Variants in ESR1 observed in about 807,000 individuals in gnomAD.
The protein encoded by ESR1 is estrogen receptor.
In ESR1, 12 loss-of-function variants were observed where a neutral mutation model predicts 52.7. That is an observed-to-expected ratio of 0.23 (90% CI 0.15 to 0.37). The LOEUF is 0.37. ESR1 is among the 10% of genes least tolerant of loss of function. The pLI is 1.00. For missense variants in ESR1, 584 were observed against 779.7 expected (o/e 0.75, Z 2.99); for synonymous variants, 305 against 316.8 (o/e 0.96, Z 0.39).
chr6:152,082,310 A>T (rs368540137), intron 6 of ESR1, among the ~76,000 whole-genome samples: 2 of 152,342 alleles, frequency 1.3e-5, no homozygotes, highest in East Asian at 3.9e-4. Context: ...GGTTCAACAT[A>T]CGCAAATAAA....
intron 2 of ESR1, among the ~76,000 whole-genome samples, chr6:151,850,478 CAGAAG>C (rs1396099743): frequency 6.6e-6 from 1 of 150,724 alleles, no homozygotes; most frequent in African/African-American, 2.4e-5. Flanking sequence ...AGAGAGGAGA[CAGAAG>C]AGAAACATCT....
intron 1 of ESR1, among the ~76,000 whole-genome samples, chr6:151,823,069 A>G (rs1295195927): frequency 6.6e-6 from 1 of 152,230 alleles, no homozygotes; most frequent in Admixed American, 6.5e-5. Flanking sequence ...CAGTTAAATA[A>G]CAAATAACAT....
chr6:151,867,274 T>C (rs1320634933), intron 2 of ESR1, among the ~76,000 whole-genome samples: 1 of 152,074 alleles, frequency 6.6e-6, no homozygotes, highest in Non-Finnish European at 1.5e-5. Context: ...TGGGATCTAA[T>C]TAAACTAAAG....
intron 6 of ESR1, among the ~76,000 whole-genome samples, chr6:152,063,793 T>C (rs3020372): frequency 0.14 from 21,594 of 152,072 alleles, 1,626 homozygotes; most frequent in South Asian, 0.19. Flanking sequence ...AGAAGATGCC[T>C]TTCTGACACC....
At chr6:151,985,171 G>A (rs1370140470) in intron 4 of ESR1, among the ~76,000 whole-genome samples, 1 of 151,992 alleles carries the variant, frequency 6.6e-6, no homozygotes, top group Non-Finnish European at 1.5e-5. Context: ...CTGGTGAGAT[G>A]GCTGTGCTGC....
In ESR1 at chr6:151,755,130, AG is replaced by A. The variant is rs1296021362; in HGVS notation, c.-70-52712del. Among the ~76,000 whole-genome samples, 4 of 151,668 alleles carry A rather than the reference AG, an allele frequency of 2.6e-5. No homozygotes were observed. In the South Asian group the frequency reaches 6.3e-4, roughly 24 times the overall value. ...GAGGCTGAGGCGGGAGGATTGCTTGAGCCTGAGAAGTTGATTCTGCAGTAAG... is the reference window on the plus strand; with the variant it reads ...GAGGCTGAGGCGGGAGGATTGCTTGACCTGAGAAGTTGATTCTGCAGTAAG... On this transcript the variant is annotated intron_variant, in intron 2 of 2. Coordinates refer to the ESR1 transcript ENST00000404742.
chr6:152,054,195 A>ATTTTTAAGGGAAGAAAATATCTTC (rs972176244), intron 5 of ESR1, among the ~76,000 whole-genome samples: 2 of 152,058 alleles, frequency 1.3e-5, no homozygotes, highest in African/African-American at 4.8e-5. Flanking sequence ...TAAACTAATC[A>ATTTTTAAGGGAAGAAAATATCTTC]TTTTTAAGGG....
intron 2 of ESR1, among the ~76,000 whole-genome samples, chr6:151,716,806 C>A (rs918780306): frequency 6.6e-6 from 1 of 152,108 alleles, no homozygotes; most frequent in Non-Finnish European, 1.5e-5. Context: ...AACATTGGCT[C>A]CCTGGCTTCA....
chr6:152,114,523 T>C (rs1038077606), intron 6 of ESR1, among the ~76,000 whole-genome samples: 4 of 152,112 alleles, frequency 2.6e-5, no homozygotes, highest in Non-Finnish European at 4.4e-5. Flanking sequence ...AAGTCATCCA[T>C]TAGAATTTGG....
Position 152,053,256 on chromosome 6 carries a change from C to T in ESR1, c.1236-7735C>T, listed in dbSNP as rs2046828787. On this transcript the variant is annotated intron_variant, in intron 5 of 7. Coordinates refer to ENST00000206249, the MANE Select transcript of ESR1 (RefSeq NM_000125.4). This position sits in a 1 kb window ranked among gnomAD's most constrained non-coding sequence, Gnocchi z 4.1. ...CACTCTACCATCTTTTCCTTTGGAC[C>T]TTCTGACATTCAACATCTTGGTCGC... is the stretch of plus-strand genomic sequence containing the variant. Among the ~76,000 whole-genome samples, 1 of 151,932 alleles carries T rather than the reference C, an allele frequency of 6.6e-6. No homozygotes were observed. Among genetic ancestry groups the T allele is most frequent in the Non-Finnish European group, 1.5e-5 (1 of 67,976 alleles).
chr6:151,964,543 G>GTT (rs1400419631), intron 4 of ESR1, among the ~76,000 whole-genome samples: 1 of 151,564 alleles, frequency 6.6e-6, no homozygotes, highest in Non-Finnish European at 1.5e-5. Context: ...TACTGCATTT[G>GTT]TTTATCAGGT....
chr6:152,094,313 A>G lies in ESR1; in HGVS notation c.1370-72A>G. 7.4e-7 allele frequency: 1 copy of G among 1,347,524 alleles called. No individual in the cohort carries two copies. The allele number at this position is 1,347,524 out of a possible 1,614,324, so 83.5% of individuals were successfully genotyped here. On this transcript the variant is annotated intron_variant, in intron 6 of 7. Coordinates refer to ENST00000206249, the MANE Select transcript of ESR1 (RefSeq NM_000125.4). This position sits in a 1 kb window ranked among gnomAD's most constrained non-coding sequence, Gnocchi z 4.6. ...GGGCACTGGCTCATTGTTACATCCC[A>G]TGAACACTCTGGGTCTCCTAGACCT...
At chr6:151,658,698 A>G (rs1404048108) in intron 1 of ESR1, among the ~76,000 whole-genome samples, 1 of 122,292 alleles carries the variant, frequency 8.2e-6, no homozygotes, top group Non-Finnish European at 1.8e-5. Context: ...GAGATATCAT[A>G]TCTTAGCACC....
chr6:151,926,292 T>G (rs966026781), intron 3 of ESR1, among the ~76,000 whole-genome samples: 1 of 152,204 alleles, frequency 6.6e-6, no homozygotes, highest in Non-Finnish European at 1.5e-5. Context: ...TTCTTCAGAA[T>G]TTTGTTCTTC....
In ESR1 at chr6:151,884,178, A is replaced by G. The variant is rs138787895; in HGVS notation, c.760+3407A>G. Among the ~76,000 whole-genome samples, 52 of 152,368 alleles carry G rather than the reference A, an allele frequency of 3.4e-4. No individual in the cohort carries two copies. The East Asian group carries it at 7.5e-3, about 22-fold the overall frequency. On this transcript the variant is annotated intron_variant, in intron 3 of 7. Coordinates refer to ENST00000206249, the MANE Select transcript of ESR1 (RefSeq NM_000125.4). ...TCATAAAATTATAGCCCGTGAGAAC[A>G]TCTTATTTTAATGATATGTATAAAG...
chr6:151,700,667 C>A (rs1187995748), intron 1 of ESR1, among the ~76,000 whole-genome samples: 2 of 116,534 alleles, frequency 1.7e-5, no homozygotes, highest in African/African-American at 7.3e-5. Context: ...GTTAAACTTT[C>A]CTTTTTTTTT....
At chr6:151,763,311 T>C (rs981900868) in intron 2 of ESR1, among the ~76,000 whole-genome samples, 5 of 152,176 alleles carry the variant, frequency 3.3e-5, no homozygotes, top group African/African-American at 1.2e-4. Flanking sequence ...GGTACACTTC[T>C]TTCATTATTT....
At chr6:151,866,838 T>C (rs372172007) in intron 2 of ESR1, among the ~76,000 whole-genome samples, 3 of 152,178 alleles carry the variant, frequency 2.0e-5, no homozygotes, top group African/African-American at 7.2e-5. Context: ...TTTGGGTATA[T>C]ACCCAGTAAT....
chr6:151,791,243 G>C (rs1372782161), intron 2 of ESR1, among the ~76,000 whole-genome samples: 1 of 152,112 alleles, frequency 6.6e-6, no homozygotes, highest in Non-Finnish European at 1.5e-5. Flanking sequence ...TAATTCCCAC[G>C]TGTCATGGGA....
Sources: allele counts gnomAD v4.1 joint callset (sites outside exome capture counted in the v4.1 genomes callset), GRCh38; gene constraint gnomAD v4.1.1; non-coding constraint Gnocchi (gnomAD v3.1); transcripts MANE v1.5; gene names NCBI Gene and HGNC (gene_info 2026-07-23, HGNC 2026-07-21).